CFAP95: variants seen among roughly 807,000 people sequenced by gnomAD.
CFAP95 encodes cilia- and flagella-associated protein 95.
At chr9:69,886,399 A>T in the CFAP95 span, among the ~76,000 whole-genome samples, 1 of 152,194 alleles carries the variant, frequency 6.6e-6, no homozygotes, top group Non-Finnish European at 1.5e-5. Context: ...TCATCCTTGC[A>T]ATTATAAAGA....
chr9:69,839,670 G>A, the CFAP95 span, among the ~76,000 whole-genome samples: 9 of 150,042 alleles, frequency 6.0e-5, no homozygotes, highest in Admixed American at 3.4e-4. Flanking sequence ...CAAGTGATCC[G>A]CCTGCCTCAG....
At chr9:69,851,845 G>A in the CFAP95 span, among the ~76,000 whole-genome samples, 4 of 149,182 alleles carry the variant, frequency 2.7e-5, no homozygotes, top group Admixed American at 1.3e-4. Context: ...TTCAGCATGG[G>A]TAACAGTGAG....
chr9:69,902,153 T>G, the CFAP95 span: 3 of 336,154 alleles, frequency 8.9e-6, no homozygotes, highest in East Asian at 8.7e-5. Flanking sequence ...AAAGGGACTT[T>G]GCCTGATTAA....
the CFAP95 span, among the ~76,000 whole-genome samples, chr9:69,832,661 C>G: frequency 4.4e-5 from 1 of 22,486 alleles, no homozygotes; most frequent in African/African-American, 1.5e-4. Flanking sequence ...TTAACAGTAC[C>G]TTTTTTTTTT....
chr9:69,888,611 C>T, the CFAP95 span, among the ~76,000 whole-genome samples: 1 of 152,160 alleles, frequency 6.6e-6, no homozygotes. Context: ...CAGGGTGGCT[C>T]AGGCCTGTAA....
chr9:69,843,786 ACATGCCAC>A, the CFAP95 span, among the ~76,000 whole-genome samples: 1 of 150,822 alleles, frequency 6.6e-6, no homozygotes, highest in East Asian at 2.0e-4. Flanking sequence ...GACTACAGGC[ACATGCCAC>A]CAAGCCCAAC....
At chr9:69,844,125 T>C in the CFAP95 span, among the ~76,000 whole-genome samples, 2 of 152,202 alleles carry the variant, frequency 1.3e-5, no homozygotes, top group South Asian at 2.1e-4. Context: ...TGAAAAAAAT[T>C]GTAATTAAAA....
chr9:69,887,441 A>G, the CFAP95 span, among the ~76,000 whole-genome samples: 2 of 152,220 alleles, frequency 1.3e-5, no homozygotes, highest in Admixed American at 6.5e-5. Context: ...AAAACATCTT[A>G]TTTTCCAATA....
the CFAP95 span, chr9:69,906,224 G>T: frequency 9.1e-7 from 1 of 1,098,318 alleles, no homozygotes; most frequent in South Asian, 1.7e-5. Flanking sequence ...CAATGGAAGT[G>T]TTACTATAGT....
At chr9:69,889,353 G>C in the CFAP95 span, among the ~76,000 whole-genome samples, 1 of 152,216 alleles carries the variant, frequency 6.6e-6, no homozygotes, top group Non-Finnish European at 1.5e-5. Flanking sequence ...AGGGTCACAA[G>C]ATTTATAACT....
At chr9:69,823,374 C>G in the CFAP95 span, among the ~76,000 whole-genome samples, 1 of 152,286 alleles carries the variant, frequency 6.6e-6, no homozygotes, top group African/African-American at 2.4e-5. Context: ...GGTGGGGACA[C>G]AGAGTCAAAC....
chr9:69,874,268 A>T, the CFAP95 span, among the ~76,000 whole-genome samples: 3 of 152,196 alleles, frequency 2.0e-5, no homozygotes, highest in Non-Finnish European at 2.9e-5. Flanking sequence ...AGAAATAAAA[A>T]TTTCAAGCAC....
the CFAP95 span, among the ~76,000 whole-genome samples, chr9:69,847,967 T>C: frequency 2.6e-5 from 4 of 152,230 alleles, no homozygotes; most frequent in African/African-American, 9.6e-5. Flanking sequence ...AGGTCACTTA[T>C]GCAAGATCCT....
At chr9:69,845,734 G>A in the CFAP95 span, among the ~76,000 whole-genome samples, 1 of 152,138 alleles carries the variant, frequency 6.6e-6, no homozygotes, top group Non-Finnish European at 1.5e-5. Context: ...TCTAAAGCAA[G>A]GCATCCCCAT....
chr9:69,831,983 A>G, the CFAP95 span, among the ~76,000 whole-genome samples: 1 of 152,226 alleles, frequency 6.6e-6, no homozygotes, highest in African/African-American at 2.4e-5. Context: ...CAGATGGGTG[A>G]AAACAGCAGA....
chr9:69,868,852 A>G, the CFAP95 span, among the ~76,000 whole-genome samples: 1 of 151,590 alleles, frequency 6.6e-6, no homozygotes, highest in Non-Finnish European at 1.5e-5. Context: ...TTAAATAGGC[A>G]TTTTTCCAAA....
chr9:69,858,079 A>T, the CFAP95 span: 1 of 1,049,616 alleles, frequency 9.5e-7, no homozygotes, highest in African/African-American at 1.6e-5. Context: ...AGGTCAACAA[A>T]ATGCCCTTTA....
the CFAP95 span, among the ~76,000 whole-genome samples, chr9:69,878,289 C>G: frequency 6.6e-6 from 1 of 152,202 alleles, no homozygotes; most frequent in African/African-American, 2.4e-5. Flanking sequence ...GTCCTGGATA[C>G]TTCCTTGAAA....
chr9:69,898,226 C>T, the CFAP95 span, among the ~76,000 whole-genome samples: 1 of 152,160 alleles, frequency 6.6e-6, no homozygotes, highest in Admixed American at 6.5e-5. Context: ...TGATTACCAC[C>T]ACATTCTTCA....
Sources: gnomAD v4.1 joint callset for allele counts (sites outside exome capture counted in the v4.1 genomes callset) on GRCh38, gnomAD v4.1.1 for gene constraint, MANE v1.5 for transcripts, NCBI Gene and HGNC (gene_info 2026-07-23, HGNC 2026-07-21) for gene names.